The following NCAPD2 variants were observed in gnomAD, a reference collection of about 807,000 sequenced individuals.
NCAPD2 encodes the protein condensin complex subunit 1.
In NCAPD2, 100 loss-of-function variants were observed where a neutral mutation model predicts 164.5. The ratio of observed to expected loss-of-function variants is 0.61; its 90% CI spans 0.52 to 0.72. The LOEUF (loss-of-function observed/expected upper bound fraction) is 0.72. Among genes scored for constraint, NCAPD2 ranks in the 30% least tolerant of loss-of-function variants. The pLI is 0.00. For synonymous variants in NCAPD2, 585 were observed against 642.6 expected (o/e 0.91, Z 1.36); for missense variants, 1,560 against 1,749.2 (o/e 0.89, Z 1.93).
At chr12:6,504,990 T>C (rs11064237) in intron 2 of NCAPD2, among the ~76,000 whole-genome samples, 51,018 of 152,036 alleles carry the variant, frequency 0.34, 9,084 homozygotes, top group African/African-American at 0.45. Context: ...CCCATGGTGT[T>C]ATGTAAGGTT....
At position 6,517,652 on chromosome 12, in the gene NCAPD2, G is replaced by C. The variant is rs1227652166; in HGVS notation, c.1377G>C (p.Glu459Asp). 6.2e-7 allele frequency: 1 copy of C among 1,614,128 alleles called. No individual in the cohort carries two copies. Among genetic ancestry groups the C allele is most frequent in the Non-Finnish European group, 8.5e-7 (1 of 1,180,052 alleles). The change falls in exon 12 of 32, where the codon GAG becomes GAC. Residue 459 changes from glutamate to aspartate, a missense_variant. Transcript: ENST00000315579. ...AGAAGGAGACCCAGAAATTACAAGA[G>C]ATGAGGGCCCAGAGGCGAACTGCAG... ...PLQKETQKLQ[E>D]MRAQRRTAAA...
intron 2 of NCAPD2, among the ~76,000 whole-genome samples, chr12:6,505,959 GT>G (rs929088634): frequency 6.6e-6 from 1 of 151,820 alleles, no homozygotes; most frequent in African/African-American, 2.4e-5. Flanking sequence ...TGTGTGTGAG[GT>G]TTTTTGGTGT....
At chr12:6,511,621 G>A (rs570936299) in intron 6 of NCAPD2, among the ~76,000 whole-genome samples, 20 of 151,918 alleles carry the variant, frequency 1.3e-4, no homozygotes, top group African/African-American at 3.6e-4. Flanking sequence ...GAGCCACCAC[G>A]CCCAGCCAGA....
rs1484223798 is a variant in NCAPD2, at chr12:6,522,956, A to T, written c.2083A>T (p.Asn695Tyr). The change falls in exon 16 of 32, where the codon AAT becomes TAT. Residue 695 changes from asparagine (N) to tyrosine (Y), a missense_variant. Coordinates refer to ENST00000315579, the MANE Select transcript of NCAPD2 (RefSeq NM_014865.4). ...KEPGVREAVL[N>Y]AYRQLYLNPK... Reference sequence around the variant, plus strand: ...GCCTGGTGTCCGGGAAGCCGTGCTTAATGCCTACCGCCAACTCTACCTCAA... The same window carrying T: ...GCCTGGTGTCCGGGAAGCCGTGCTTTATGCCTACCGCCAACTCTACCTCAA... The T allele has an allele frequency of 6.2e-7, 1 of 1,614,164 alleles. No individual in the cohort carries two copies.
intron 14 of NCAPD2, 88 bp downstream of exon 14, chr12:6,521,198 A>G: frequency 6.7e-7 from 1 of 1,502,426 alleles, no homozygotes; most frequent in African/African-American, 1.4e-5. Flanking sequence ...TGGCCTGGTT[A>G]ACAGAACCTG....
chr12:6,522,664 T>G (rs1007210735), intron 15 of NCAPD2, among the ~76,000 whole-genome samples, 164 bp from the exon 16 acceptor site: 2 of 152,232 alleles, frequency 1.3e-5, no homozygotes, highest in African/African-American at 4.8e-5. Flanking sequence ...TACATTTTAA[T>G]GCATATAGTA....
chr12:6,514,171 T>C (rs529425615), intron 6 of NCAPD2, 94 bp from the exon 7 acceptor site: 37 of 1,527,608 alleles, frequency 2.4e-5, no homozygotes, highest in Non-Finnish European at 3.1e-5. Context: ...AACCCTGACT[T>C]TGGGAGCAGT....
At chr12:6,503,896 T>C (rs1407129906) in intron 2 of NCAPD2, among the ~76,000 whole-genome samples, 2 of 151,872 alleles carry the variant, frequency 1.3e-5, no homozygotes, top group Admixed American at 1.3e-4. Context: ...CTGAATTGCT[T>C]GAACCCAGGA....
chr12:6,529,228 A>C (rs930529176), intron 27 of NCAPD2, 189 bp downstream of exon 27: 1 of 623,628 alleles, frequency 1.6e-6, no homozygotes, highest in Non-Finnish European at 2.8e-6. Flanking sequence ...TCTTGAAAAT[A>C]TTAAATACGA....
chr12:6,494,956 T>A, intron 1 of NCAPD2, 120 bp from the exon 2 acceptor site: 13 of 984,066 alleles, frequency 1.3e-5, no homozygotes, highest in Non-Finnish European at 2.0e-5. Context: ...CCAGATGATG[T>A]TACTAGCTTG....
intron 13 of NCAPD2, among the ~76,000 whole-genome samples, chr12:6,518,510 T>G (rs12822668): frequency 0.024 from 1,202 of 50,096 alleles, 25 homozygotes; most frequent in African/African-American, 0.052. Flanking sequence ...ACAAGTTTTT[T>G]TTTTTTTTTT....
In NCAPD2 at chr12:6,521,067, A is replaced by C; in HGVS notation, c.1671A>C (p.Ser557=). 1.2e-6 allele frequency: 2 copies of C among 1,614,226 alleles called. No individual in the cohort carries two copies. Among genetic ancestry groups the C allele is most frequent in the Non-Finnish European group, 1.7e-6 (2 of 1,180,010 alleles). The change falls in exon 14 of 32, where the codon TCA becomes TCC. Residue 557 remains serine, a synonymous_variant. Transcript: ENST00000315579. ...EPFSHIDPEE[S]EETRLLNILG... ...TCAGTCATATAGACCCAGAGGAGTC[A>C]GAGGAGACCAGGCTCTTGAATATCT...
intron 7 of NCAPD2, 25 bp downstream of exon 7, chr12:6,514,417 G>T: frequency 3.1e-6 from 5 of 1,614,076 alleles, no homozygotes; most frequent in Non-Finnish European, 3.4e-6. Flanking sequence ...GCTTTGCCCC[G>T]CCTTTTTTGT....
At position 6,528,515 on chromosome 12, in the gene NCAPD2, C is replaced by T; in HGVS notation, c.3300-164C>T. On this transcript the variant is annotated intron_variant, in intron 25 of 31. Transcript: ENST00000315579. This position sits in a 1 kb window ranked among gnomAD's most constrained non-coding sequence, Gnocchi z 5.1. The stretch of plus-strand genomic sequence containing the variant: ...TGGGACTGACACTTCTGGTTAGAAG[C>T]TTCACCTCTTTCCCCCACTCCAGCT... The T allele has an allele frequency of 8.9e-7, 1 of 1,126,922 alleles. No homozygotes were observed. The highest frequency in any genetic ancestry group is 1.3e-6 in the Non-Finnish European group (1 of 794,438). The allele number at this position is 1,126,922 out of a possible 1,614,324, so 69.8% of individuals were successfully genotyped here. A position where few individuals can be genotyped will look rare whatever the true frequency, so the allele number is the denominator to read the frequency against.
Position 6,528,088 on chromosome 12 carries a change from T to C in NCAPD2, c.3140T>C (p.Ile1047Thr). The part of the protein sequence containing the change: ...ASLALGKFCM[I>T]SATFCDSQLR... ...CTTGCCCTTGGCAAGTTCTGCATGA[T>C]CAGGTAGGCCGTGGGGTTGGTACCC... is the stretch of plus-strand genomic sequence containing the variant. Residue 1047 changes from isoleucine (I) to threonine (T), a missense_variant, in exon 24 of 32, where the codon ATC becomes ACC. Coordinates refer to ENST00000315579, the MANE Select transcript of NCAPD2 (RefSeq NM_014865.4). This position sits in a 1 kb window ranked among gnomAD's most constrained non-coding sequence, Gnocchi z 5.1. The C allele has an allele frequency of 6.2e-7, 1 of 1,614,208 alleles. No homozygotes were observed. Among genetic ancestry groups the C allele is most frequent in the Admixed American group, 1.7e-5 (1 of 60,028 alleles).
intron 6 of NCAPD2, among the ~76,000 whole-genome samples, chr12:6,512,772 C>G (rs1219051677): frequency 6.6e-6 from 1 of 152,176 alleles, no homozygotes; most frequent in Non-Finnish European, 1.5e-5. Flanking sequence ...TCCAATAACT[C>G]AAGCAAGAGA....
intron 13 of NCAPD2, among the ~76,000 whole-genome samples, chr12:6,518,504 G>GTTTTTTTTTTTTGTTGTTT: frequency 4.5e-5 from 2 of 44,782 alleles, no homozygotes; most frequent in South Asian, 1.7e-3. Context: ...CCGTCAACAA[G>GTTTTTTTTTTTTGTTGTTT]TTTTTTTTTT....
At chr12:6,496,340 G>A (rs780029748) in intron 2 of NCAPD2, among the ~76,000 whole-genome samples, 5 of 152,086 alleles carry the variant, frequency 3.3e-5, no homozygotes, top group African/African-American at 9.7e-5. Flanking sequence ...GATTATAGGC[G>A]TGAGCCACTG....
chr12:6,529,981 A>T (rs772636565), intron 29 of NCAPD2, 23 bp downstream of exon 29: 1 of 1,602,744 alleles, frequency 6.2e-7, no homozygotes, highest in Non-Finnish European at 8.5e-7. Context: ...GGACACTTCA[A>T]TGCCTGTTGG....
Sources: gnomAD v4.1 joint callset for allele counts (sites outside exome capture counted in the v4.1 genomes callset) on GRCh38, gnomAD v4.1.1 for gene constraint, Gnocchi (gnomAD v3.1) non-coding constraint, MANE v1.5 for transcripts, NCBI Gene and HGNC (gene_info 2026-07-23, HGNC 2026-07-21) for gene names.